Variants in CDK20 observed in about 807,000 individuals in gnomAD.
The protein encoded by CDK20 is cyclin dependent kinase 20.
In CDK20, 40 loss-of-function variants were observed where a neutral mutation model predicts 38.6. The ratio of observed to expected loss-of-function variants is 1.04; its 90% CI spans 0.81 to 1.35. The LOEUF (loss-of-function observed/expected upper bound fraction) is 1.35. Ranked by LOEUF, CDK20 falls within the 40% of genes most tolerant of loss-of-function variation. CDK20 has a pLI of 0.00. For synonymous variants in CDK20, 209 were observed against 185.7 expected (o/e 1.13, Z -1.02); for missense variants, 512 against 452.6 (o/e 1.13, Z -1.19).
chr9:87,973,652 A>C (rs961632735), intron 2 of CDK20, among the ~76,000 whole-genome samples: 1 of 151,782 alleles, frequency 6.6e-6, no homozygotes, highest in African/African-American at 2.4e-5. Flanking sequence ...TTGAGAAAAA[A>C]AGTCGGTGAA....
chr9:87,970,434 C>T (rs987560223), intron 5 of CDK20, 134 bp downstream of exon 5: 11 of 812,630 alleles, frequency 1.4e-5, no homozygotes, highest in East Asian at 2.7e-5. Context: ...CTCAGAATAC[C>T]CCAACCAGGG....
chr9:87,969,811 G>A lies in CDK20; in HGVS notation c.672C>T (p.Asn224=), dbSNP rs770078559. The A allele has an allele frequency of 5.7e-5, 92 of 1,613,686 alleles. No homozygotes were observed. Among genetic ancestry groups the A allele is most frequent in the Non-Finnish European group, 6.5e-5 (77 of 1,179,836 alleles). The part of the protein sequence containing the change: ...CYVLRILGTP[N]PQVWPELTEL... The stretch of plus-strand genomic sequence containing the variant: ...CCCTACAAACCGGCCAGACTTGAGG[G>A]TTTGGGGTGCCCAAGATGCGAAGCA... The change falls in exon 6 of 8, where the codon AAC becomes AAT. Residue 224 remains asparagine, a synonymous_variant. Transcript: ENST00000325303.
Position 87,967,332 on chromosome 9 carries a change from A to G in CDK20, c.*130T>C, listed in dbSNP as rs1344696922. On this transcript the variant is annotated 3_prime_UTR_variant, in exon 8 of 8. Coordinates refer to ENST00000325303, the MANE Select transcript of CDK20 (RefSeq NM_001039803.3). ...TCGAGACCAACCCTCGCAAGGGCTA[A>G]GGGGCAGGGTGTGGTGTGGGCCCAC... 2.2e-6 allele frequency: 2 copies of G among 901,908 alleles called. No homozygotes were observed. Among genetic ancestry groups the G allele is most frequent in the Non-Finnish European group, 3.6e-6 (2 of 557,140 alleles). The allele number at this position is 901,908 out of a possible 1,614,324, so 55.9% of individuals were successfully genotyped here. A position where few individuals can be genotyped will look rare whatever the true frequency, so the allele number is the denominator to read the frequency against.
chr9:87,973,714 A>G (rs1830023589), intron 2 of CDK20, among the ~76,000 whole-genome samples: 1 of 152,224 alleles, frequency 6.6e-6, no homozygotes, highest in African/African-American at 2.4e-5. Context: ...ATGTGTGAGA[A>G]ATGAAAGAAA....
Position 87,973,918 on chromosome 9 carries a change from T to A in CDK20, c.189+4A>T, listed in dbSNP as rs764567558. ...GAATACCATGCCCCCCCTCCCCTAC[T>A]CACATACTGATTGTCCTCCATCTCC... On this transcript the variant is annotated splice_donor_region_variant and intron_variant, in intron 2 of 7. Coordinates refer to ENST00000325303, the MANE Select transcript of CDK20 (RefSeq NM_001039803.3). 1 of 1,613,590 alleles carries A rather than the reference T, an allele frequency of 6.2e-7. No homozygotes were observed. Among genetic ancestry groups the A allele is most frequent in the Admixed American group, 1.7e-5 (1 of 60,002 alleles).
intron 2 of CDK20, among the ~76,000 whole-genome samples, chr9:87,972,153 C>CA (rs1829906765): frequency 6.6e-6 from 1 of 152,010 alleles, no homozygotes; most frequent in Admixed American, 6.6e-5. Flanking sequence ...TACAGGGAGA[C>CA]AAAATCGCAC....
rs1188755624 is a variant in CDK20, at chr9:87,970,913, G to A, written c.379-16C>T. The A allele has an allele frequency of 1.2e-6, 2 of 1,614,072 alleles. No homozygotes were observed. The highest frequency in any genetic ancestry group is 2.2e-5 in the South Asian group (2 of 91,058). The stretch of plus-strand genomic sequence containing the variant: ...GTTTCAGGTCCTGGGAGTACCAAAA[G>A]AAGCATCAGTCCCTCCAAATCCCCC... On this transcript the variant is annotated splice_polypyrimidine_tract_variant and intron_variant, in intron 3 of 7. Transcript: ENST00000325303.
rs28364963 is a variant in CDK20, at chr9:87,969,195, T to C, written c.842A>G (p.Lys281Arg). 1,033 of 1,613,718 alleles carry C rather than the reference T, an allele frequency of 6.4e-4. 7 individuals are homozygous for C. The African/African-American group carries it at 0.012, about 19-fold the overall frequency. ...YPPHQRIAAS[K>R]ALLHQYFFTA... ...AGAGACTACAGCCTCTCCCCCTACC[T>C]TGGAAGCTGCGATGCGCTGGTGAGG... is the stretch of plus-strand genomic sequence containing the variant. Residue 281 changes from lysine to arginine, a missense_variant and splice_region_variant, in exon 7 of 8, where the codon AAG (lysine) becomes AGG (arginine). Transcript: ENST00000325303.
intron 3 of CDK20, 108 bp downstream of exon 3, chr9:87,971,039 T>C: frequency 1.3e-6 from 2 of 1,497,932 alleles, no homozygotes; most frequent in Non-Finnish European, 1.8e-6. Context: ...CCTGGAGGCC[T>C]TGACCAGCTC....
In CDK20 at chr9:87,972,740, A is replaced by G. The variant is rs1829950375; in HGVS notation, c.189+1182T>C. ...ATCTAGAGTATGTTTTAAAGTTAGA[A>G]CCTTCAGAATTGCTGACCAACTGGA... On this transcript the variant is annotated intron_variant, in intron 2 of 7. Transcript: ENST00000325303. Among the ~76,000 whole-genome samples, 3 of 152,136 alleles carry G rather than the reference A, an allele frequency of 2.0e-5. 1 individual carries two copies. In the South Asian group the frequency reaches 6.2e-4, roughly 32 times the overall value.
Position 87,967,409 on chromosome 9 carries a change from C to T in CDK20, c.*53G>A. 1.3e-6 allele frequency: 2 copies of T among 1,533,306 alleles called. No individual in the cohort carries two copies. The highest frequency in any genetic ancestry group is 8.8e-7 in the Non-Finnish European group (1 of 1,130,562). 95.0% of individuals were successfully genotyped at this position (1,533,306 alleles called of 1,614,324 possible). On this transcript the variant is annotated 3_prime_UTR_variant, in exon 8 of 8. Coordinates refer to ENST00000325303, the MANE Select transcript of CDK20 (RefSeq NM_001039803.3). Reference sequence around the variant, plus strand: ...TGAAGCCAGGCAGGTGGCAGAGGAACAGGTGGACTGAGTGGTCCTGAGGAG... The same window carrying T: ...TGAAGCCAGGCAGGTGGCAGAGGAATAGGTGGACTGAGTGGTCCTGAGGAG...
intron 3 of CDK20, 87 bp from the exon 4 acceptor site, chr9:87,970,984 C>T (rs1036666988): frequency 2.5e-6 from 4 of 1,569,120 alleles, no homozygotes; most frequent in Admixed American, 1.8e-5. Flanking sequence ...CCACTCAGGT[C>T]AGCCCCGGTC....
intron 5 of CDK20, 181 bp downstream of exon 5, chr9:87,970,387 C>T (rs1344285907): frequency 1.8e-5 from 11 of 608,596 alleles, no homozygotes; most frequent in South Asian, 9.3e-5. Context: ...CTACCCAGCT[C>T]GAAAACATCA....
intron 2 of CDK20, among the ~76,000 whole-genome samples, chr9:87,973,534 C>G (rs934026214): frequency 6.6e-6 from 1 of 152,182 alleles, no homozygotes; most frequent in African/African-American, 2.4e-5. Flanking sequence ...ATCTGGAAAC[C>G]TGCCTTGTAC....
rs149761061 is a variant in CDK20 at position 87,968,759 on chromosome 9, C to T, written c.843+435G>A. ...AGCTACCTCACCACCAGGAGTGCCC[C>T]GCGGAGGTAGGACTGATTGTTTACC... On this transcript the variant is annotated intron_variant, in intron 7 of 7. Transcript: ENST00000325303. 35 of 159,176 alleles carry T rather than the reference C, an allele frequency of 2.2e-4. 1 individual carries two copies. The East Asian group carries it at 5.3e-3, about 24-fold the overall frequency. The allele number at this position is 159,176 out of a possible 1,614,324, so 9.9% of individuals were successfully genotyped here.
intron 1 of CDK20, 59 bp downstream of exon 1, chr9:87,974,313 T>C: frequency 6.5e-7 from 1 of 1,536,390 alleles, no homozygotes; most frequent in African/African-American, 1.4e-5. Context: ...TTTAGAGCGT[T>C]AGCCGGAGGG....
At chr9:87,972,543 T>C (rs532488314) in intron 2 of CDK20, among the ~76,000 whole-genome samples, 4 of 152,052 alleles carry the variant, frequency 2.6e-5, no homozygotes, top group Admixed American at 6.5e-5. Context: ...GGTGGGCACA[T>C]GGTGATAGTG....
rs1829473077 is a variant in CDK20 at position 87,966,954 on chromosome 9, CAG to C, written c.*506_*507del. On this transcript the variant is annotated 3_prime_UTR_variant, in exon 8 of 8. Coordinates refer to ENST00000325303, the MANE Select transcript of CDK20 (RefSeq NM_001039803.3). ...TCCCTTGAGAGAAATGAAGGAGGAACAGACATAAGGCAGAGCCACCTGAGGTT... is the reference window on the plus strand; with the variant it reads ...TCCCTTGAGAGAAATGAAGGAGGAACACATAAGGCAGAGCCACCTGAGGTT... 1 of 421,702 alleles carries C rather than the reference CAG, an allele frequency of 2.4e-6. No homozygotes were observed. The highest frequency in any genetic ancestry group is 4.8e-6 in the Non-Finnish European group (1 of 208,020). 26.1% of individuals were successfully genotyped at this position (421,702 alleles called of 1,614,324 possible).
chr9:87,972,461 GAT>G (rs1350866690), intron 2 of CDK20, among the ~76,000 whole-genome samples: 1 of 152,180 alleles, frequency 6.6e-6, no homozygotes, highest in African/African-American at 2.4e-5. Flanking sequence ...CTGGACCCTA[GAT>G]AGGTGCTGGT....
Sources: allele counts gnomAD v4.1 joint callset (sites outside exome capture counted in the v4.1 genomes callset), GRCh38; gene constraint gnomAD v4.1.1; transcripts MANE v1.5; gene names NCBI Gene and HGNC (gene_info 2026-07-23, HGNC 2026-07-21).